MED1: variants seen among roughly 807,000 people sequenced by gnomAD.
MED1 encodes the protein mediator complex subunit 1.
A neutral mutation model predicts 121.3 loss-of-function variants in MED1; 17 were observed. That is an observed-to-expected ratio of 0.14 (90% CI 0.10 to 0.21). The LOEUF is 0.21. Among genes scored for constraint, MED1 ranks in the 10% least tolerant of loss-of-function variants. MED1 has a pLI of 1.00. For synonymous variants in MED1, 661 were observed against 694.4 expected, an observed-to-expected ratio of 0.95 and a Z score of 0.76; for missense variants, 1,558 against 1,919.4, an observed-to-expected ratio of 0.81 and a Z score of 3.52.
intron 13 of MED1, among the ~76,000 whole-genome samples, chr17:39,421,236 A>G (rs1027626561): frequency 8.8e-6 from 1 of 114,216 alleles, no homozygotes; most frequent in Non-Finnish European, 1.8e-5. Flanking sequence ...GGGCACCAAG[A>G]GCAAAAAAAA....
At chr17:39,443,760 G>T in intron 2 of MED1, 132 bp from the exon 3 acceptor site, 1 of 688,170 alleles carries the variant, frequency 1.5e-6, no homozygotes, top group Non-Finnish European at 2.5e-6. Flanking sequence ...AGATTTTGTA[G>T]ACTATATAGA....
intron 10 of MED1, 23 bp from the exon 11 acceptor site, chr17:39,424,761 G>T: frequency 7.3e-7 from 1 of 1,378,802 alleles, no homozygotes; most frequent in Non-Finnish European, 1.0e-6. Context: ...AAGAAAAAGG[G>T]TATTCCTCAA....
In MED1 at chr17:39,409,000, A is replaced by G; in HGVS notation, c.3221T>C (p.Val1074Ala). 1 of 1,614,206 alleles carries G rather than the reference A, an allele frequency of 6.2e-7. No homozygotes were observed. Among genetic ancestry groups the G allele is most frequent in the South Asian group, 1.1e-5 (1 of 91,078 alleles). Residue 1074 changes from valine (V) to alanine (A), a missense_variant, in exon 17 of 17, where the codon GTG becomes GCG. Around this residue, in one of 5 missense-constraint regions of MED1, gnomAD observed 793 missense variants for 898.2 expected, o/e 0.88. Transcript: ENST00000300651. This position sits in a 1 kb window ranked among gnomAD's most constrained non-coding sequence, Gnocchi z 4.7. ...CTGACTGTGAGAGGAAGGCTTGCCCACCATCACTGTTCCCTTAGGAATCTG... is the reference window on the plus strand; with the variant it reads ...CTGACTGTGAGAGGAAGGCTTGCCCGCCATCACTGTTCCCTTAGGAATCTG... The part of the protein sequence containing the change: ...TIQIPKGTVM[V>A]GKPSSHSQYT...
rs201850723 is a variant in MED1, at chr17:39,415,207, C to T, written c.1393+37G>A. 23 of 1,607,828 alleles carry T rather than the reference C, an allele frequency of 1.4e-5. No individual in the cohort carries two copies. The East Asian group carries it at 3.3e-4, about 23-fold the overall frequency. On this transcript the variant is annotated intron_variant, in intron 15 of 16. Coordinates refer to ENST00000300651, the MANE Select transcript of MED1 (RefSeq NM_004774.4). ...TCCAAAAAAGACATAGGGACCAAAC[C>T]GCTCCATGAGAGGTGTTAGCCACCC...
At chr17:39,412,004 C>A (rs1410645503) in intron 16 of MED1, among the ~76,000 whole-genome samples, 1 of 83,500 alleles carries the variant, frequency 1.2e-5, no homozygotes, top group Non-Finnish European at 3.1e-5. Context: ...AAGACTCCAT[C>A]TCAAAAAAAA....
intron 10 of MED1, among the ~76,000 whole-genome samples, chr17:39,427,112 G>C (rs1162967174): frequency 1.3e-5 from 2 of 152,078 alleles, no homozygotes; most frequent in African/African-American, 4.8e-5. Context: ...CAATGAGTAA[G>C]CTGATTATCT....
At chr17:39,429,063 TAA>T (rs1352244757) in intron 9 of MED1, among the ~76,000 whole-genome samples, 2 of 151,854 alleles carry the variant, frequency 1.3e-5, no homozygotes, top group South Asian at 2.1e-4. Context: ...CTCACGCTTA[TAA>T]TCCCAACACT....
In MED1 at chr17:39,440,965, A is replaced by C. The variant is rs907507893; in HGVS notation, c.212-288T>G. On this transcript the variant is annotated intron_variant, in intron 3 of 16. Transcript: ENST00000300651. The surrounding 1 kb of genome is among the most constrained non-coding windows in gnomAD (Gnocchi z 4.1). Reference sequence around the variant, plus strand: ...TAACTTAAGACACATTTATCTGCTAATGATAGAATAAGGAAGATTAACATT... The same window carrying C: ...TAACTTAAGACACATTTATCTGCTACTGATAGAATAAGGAAGATTAACATT... Among the ~76,000 whole-genome samples, 1 of 152,170 alleles carries C rather than the reference A, an allele frequency of 6.6e-6. No homozygotes were observed. Among genetic ancestry groups the C allele is most frequent in the East Asian group, 1.9e-4 (1 of 5,202 alleles).
intron 10 of MED1, among the ~76,000 whole-genome samples, chr17:39,425,078 A>C (rs2048502563): frequency 6.6e-6 from 1 of 151,932 alleles, no homozygotes; most frequent in African/African-American, 2.4e-5. Flanking sequence ...ATGGGGTTTC[A>C]CCATGTTGGT....
intron 14 of MED1, among the ~76,000 whole-genome samples, chr17:39,419,087 G>T (rs2048436887): frequency 6.7e-6 from 1 of 149,332 alleles, no homozygotes; most frequent in South Asian, 2.1e-4. Context: ...ACTCAGCCTG[G>T]TGTTTTGTTT....
At position 39,407,184 on chromosome 17, in the gene MED1, T is replaced by C; in HGVS notation, c.*291A>G. 1.0e-6 allele frequency: 1 copy of C among 992,996 alleles called. No individual in the cohort carries two copies. The highest frequency in any genetic ancestry group is 1.2e-6 in the Non-Finnish European group (1 of 834,170). The allele number at this position is 992,996 out of a possible 1,614,324, so 61.5% of individuals were successfully genotyped here. A position where few individuals can be genotyped will look rare whatever the true frequency, so the allele number is the denominator to read the frequency against. Reference sequence around the variant, plus strand: ...TTCCCACAAAACTGTTTCCCTCCCTTCCCTCTCCCTACACCCCTCCCACCC... The same window carrying C: ...TTCCCACAAAACTGTTTCCCTCCCTCCCCTCTCCCTACACCCCTCCCACCC... On this transcript the variant is annotated 3_prime_UTR_variant, in exon 17 of 17. Coordinates refer to ENST00000300651, the MANE Select transcript of MED1 (RefSeq NM_004774.4).
intron 10 of MED1, among the ~76,000 whole-genome samples, chr17:39,425,121 CGCCCATCTTG>C (rs2048503210): frequency 6.6e-6 from 1 of 151,980 alleles, no homozygotes; most frequent in Admixed American, 6.6e-5. Context: ...CTTCATGATC[CGCCCATCTTG>C]GCCTCCCGAA....
In MED1 at chr17:39,440,053, AAAAG is replaced by A. The variant is rs930297981; in HGVS notation, c.399+329_399+332del. On this transcript the variant is annotated intron_variant, in intron 5 of 16. Transcript: ENST00000300651. This position sits in a 1 kb window ranked among gnomAD's most constrained non-coding sequence, Gnocchi z 4.1. ...AAGAAAGAGAGAAAGAGAAAGAAAG[AAAAG>A]AAAGAAAAGAAAAAGAAAGCAAGCA... Among the ~76,000 whole-genome samples, 4 of 151,576 alleles carry A rather than the reference AAAAG, an allele frequency of 2.6e-5. No individual in the cohort carries two copies. The highest frequency in any genetic ancestry group is 7.3e-5 in the African/African-American group (3 of 41,302).
In MED1 at chr17:39,423,742, T is replaced by A. The variant is rs747955732; in HGVS notation, c.931A>T (p.Ile311Phe). 6 of 1,613,714 alleles carry A rather than the reference T, an allele frequency of 3.7e-6. No individual in the cohort carries two copies. Among genetic ancestry groups the A allele is most frequent in the South Asian group, 1.1e-5 (1 of 91,070 alleles). Residue 311 changes from isoleucine (I) to phenylalanine (F), a missense_variant, in exon 12 of 17, where the codon ATC (isoleucine) becomes TTC (phenylalanine). Physicochemically the swap from Ile to Phe is conservative, Grantham distance 21 (BLOSUM62 0). Coordinates refer to ENST00000300651, the MANE Select transcript of MED1 (RefSeq NM_004774.4). ...TGAACAAATGCTCTAGATACTGGGA[T>A]TGGCTGGGGAAATTTCAAGAAGAAA... is the stretch of plus-strand genomic sequence containing the variant. ...ACFFLKFPQP[I>F]PVSRAFVQKL...
chr17:39,423,259 AAAGG>A (rs2048484468), intron 13 of MED1, 64 bp downstream of exon 13: 9 of 1,158,730 alleles, frequency 7.8e-6, no homozygotes, highest in Non-Finnish European at 1.2e-5. Context: ...ATAATGCTAT[AAAGG>A]AAGATTATGA....
intron 13 of MED1, among the ~76,000 whole-genome samples, chr17:39,421,254 A>G (rs1401265738): frequency 7.5e-6 from 1 of 132,624 alleles, no homozygotes; most frequent in Admixed American, 7.5e-5. Flanking sequence ...AAAAAAAAAG[A>G]AAAAAGAAAA....
At position 39,440,775 on chromosome 17, in the gene MED1, CAT is replaced by C. The variant is rs1313551271; in HGVS notation, c.212-100_212-99del. ...AGATTCATCCTTCCAAAACCGTAAACATATTCAGTAGTTCAAATGCTTGTAAT... is the reference window on the plus strand; with the variant it reads ...AGATTCATCCTTCCAAAACCGTAAACATTCAGTAGTTCAAATGCTTGTAAT... On this transcript the variant is annotated intron_variant, in intron 3 of 16. Transcript: ENST00000300651. This position sits in a 1 kb window ranked among gnomAD's most constrained non-coding sequence, Gnocchi z 4.1. The C allele has an allele frequency of 8.6e-7, 1 of 1,162,904 alleles. No homozygotes were observed. The highest frequency in any genetic ancestry group is 1.3e-6 in the Non-Finnish European group (1 of 795,408). 72.0% of individuals were successfully genotyped at this position (1,162,904 alleles called of 1,614,324 possible). A position where few individuals can be genotyped will look rare whatever the true frequency, so the allele number is the denominator to read the frequency against.
chr17:39,444,892 A>G (rs1359374229), intron 2 of MED1, among the ~76,000 whole-genome samples: 1 of 151,916 alleles, frequency 6.6e-6, no homozygotes. Context: ...CAAACAAACA[A>G]ACAAAAAAAA....
In MED1 at chr17:39,408,406, G is replaced by C. The variant is rs761938566; in HGVS notation, c.3815C>G (p.Ser1272Cys). 1 of 1,614,112 alleles carries C rather than the reference G, an allele frequency of 6.2e-7. No homozygotes were observed. Among genetic ancestry groups the C allele is most frequent in the South Asian group, 1.1e-5 (1 of 91,086 alleles). ...CATGGAAGAGCCACTTGAGGAAAAG[G>C]AGGAGGAAGATGCCGTACAGGAATT... ...SSNSCTASSSSFSSSGSSMSS... is the reference protein window; with the variant it reads ...SSNSCTASSSCFSSSGSSMSS... Residue 1272 changes from serine (S) to cysteine (C), a missense_variant, in exon 17 of 17, where the codon TCC (serine) becomes TGC (cysteine). Physicochemically the swap from Ser to Cys is moderately radical, Grantham distance 112. This residue lies in a region of MED1 where 793 missense variants were observed against 898.2 expected (regional missense o/e 0.88). Coordinates refer to ENST00000300651, the MANE Select transcript of MED1 (RefSeq NM_004774.4). This position sits in a 1 kb window ranked among gnomAD's most constrained non-coding sequence, Gnocchi z 4.7.
Sources: gnomAD v4.1 joint callset for allele counts (sites outside exome capture counted in the v4.1 genomes callset) on GRCh38, gnomAD v4.1.1 for gene constraint, gnomAD v4.1.1 regional missense constraint, Gnocchi (gnomAD v3.1) non-coding constraint, MANE v1.5 for transcripts, NCBI Gene and HGNC (gene_info 2026-07-23, HGNC 2026-07-21) for gene names.